SPAG16: variants seen among roughly 807,000 people sequenced by gnomAD.
SPAG16 encodes sperm associated antigen 16.
In SPAG16, 86 loss-of-function variants were observed where a neutral mutation model predicts 80.4. The observed-to-expected ratio is 1.07, with a 90% CI of 0.90 to 1.28. The LOEUF is 1.28. Among genes scored for constraint, SPAG16 ranks in the 50% most tolerant of loss-of-function variants. The pLI is 0.00. For synonymous variants in SPAG16, 294 were observed against 265.9 expected (o/e 1.11, Z -1.03); for missense variants, 870 against 765.3 (o/e 1.14, Z -1.61).
In SPAG16 at chr2:213,350,561, T is replaced by A. The variant is rs1368308737; in HGVS notation, c.678T>A (p.Thr226=). The change falls in exon 7 of 16, where the codon ACT becomes ACA. Residue 226 remains threonine, a synonymous_variant. Transcript: ENST00000331683. ...LKLHYASYEP[T]IRVLHEKHHT... ...TACATTATGCATCTTATGAACCGAC[T>A]ATAAGGGTGTTACATGAGAAACACC... 1 of 1,595,242 alleles carries A rather than the reference T, an allele frequency of 6.3e-7. No individual in the cohort carries two copies. The highest frequency in any genetic ancestry group is 2.3e-5 in the East Asian group (1 of 44,280).
intron 10 of SPAG16, among the ~76,000 whole-genome samples, chr2:213,513,429 T>A (rs1327632704): frequency 6.6e-6 from 1 of 152,208 alleles, no homozygotes; most frequent in Non-Finnish European, 1.5e-5. Flanking sequence ...TAAAATAAGT[T>A]TATTTCTCAT....
At position 214,242,172 on chromosome 2, in the gene SPAG16, G is replaced by T. The variant is rs558108544; in HGVS notation, c.1720+92906G>T. ...CAACCTATTAGCTTCCCTTTCTTCT[G>T]AGGGACTTTACTTCAAACATCAGCC... On this transcript the variant is annotated intron_variant, in intron 15 of 15. Coordinates refer to ENST00000331683, the MANE Select transcript of SPAG16 (RefSeq NM_024532.5). Among the ~76,000 whole-genome samples the T allele has an allele frequency of 7.9e-5, 12 of 152,264 alleles. No individual in the cohort carries two copies. In the South Asian group the frequency reaches 2.5e-3, roughly 32 times the overall value.
At chr2:213,383,961 C>T (rs78263384) in intron 9 of SPAG16, among the ~76,000 whole-genome samples, 87 of 152,166 alleles carry the variant, frequency 5.7e-4, no homozygotes, top group Non-Finnish European at 1.1e-3. Flanking sequence ...ACACATTTGC[C>T]GGATCAATGA....
chr2:213,882,078 A>T (rs796590494), intron 11 of SPAG16, among the ~76,000 whole-genome samples: 5 of 152,294 alleles, frequency 3.3e-5, no homozygotes, highest in African/African-American at 1.2e-4. Flanking sequence ...TTATGAATCC[A>T]TTGAGGTGAT....
At chr2:214,166,751 C>A (rs974933933) in intron 15 of SPAG16, among the ~76,000 whole-genome samples, 7 of 152,034 alleles carry the variant, frequency 4.6e-5, no homozygotes, top group Non-Finnish European at 1.0e-4. Flanking sequence ...CTACAATGTG[C>A]GTAGGCATTC....
chr2:214,410,128 T>C lies in SPAG16; in HGVS notation c.1721-12T>C, dbSNP rs2126164092. ...ATTCATTCTCTCTCTCTCTCCTCTC[T>C]GTCTCCCTCAGGTCGAGTTTTAGCT... On this transcript the variant is annotated splice_polypyrimidine_tract_variant and intron_variant, in intron 15 of 15. Coordinates refer to ENST00000331683, the MANE Select transcript of SPAG16 (RefSeq NM_024532.5). The C allele has an allele frequency of 6.2e-7, 1 of 1,613,194 alleles. No individual in the cohort carries two copies. Among genetic ancestry groups the C allele is most frequent in the South Asian group, 1.1e-5 (1 of 91,074 alleles).
rs868701211 is a variant in SPAG16 at position 214,193,015 on chromosome 2, C to A, written c.1720+43749C>A. ...GTTTTAGCTCAAGTCTGTTGTCAGCCTGGTCCTACAAGGACCTCTGCTACA... is the reference window on the plus strand; with the variant it reads ...GTTTTAGCTCAAGTCTGTTGTCAGCATGGTCCTACAAGGACCTCTGCTACA... On this transcript the variant is annotated intron_variant, in intron 15 of 15. Coordinates refer to ENST00000331683, the MANE Select transcript of SPAG16 (RefSeq NM_024532.5). 7.9e-5 allele frequency among the ~76,000 whole-genome samples: 12 copies of A among 152,078 alleles called. No individual in the cohort carries two copies. In the Middle Eastern group the frequency reaches 0.037, roughly 474 times the overall value.
chr2:213,594,502 G>A (rs16850489), intron 10 of SPAG16, among the ~76,000 whole-genome samples: 9,275 of 152,064 alleles, frequency 0.061, 943 homozygotes, highest in African/African-American at 0.21. Context: ...TGATTTTTGC[G>A]GGGAGAATGG....
At chr2:213,565,069 A>T (rs2059716320) in intron 10 of SPAG16, among the ~76,000 whole-genome samples, 1 of 152,240 alleles carries the variant, frequency 6.6e-6, no homozygotes, top group Admixed American at 6.5e-5. Flanking sequence ...GAGAAGAGTT[A>T]CTCAAATAAG....
chr2:214,250,332 A>T (rs1690160321), intron 15 of SPAG16, among the ~76,000 whole-genome samples: 1 of 152,034 alleles, frequency 6.6e-6, no homozygotes, highest in African/African-American at 2.4e-5. Context: ...TTCAATGTGT[A>T]AATAGAAATC....
At chr2:214,379,394 C>CTGTT (rs1700320914) in intron 15 of SPAG16, among the ~76,000 whole-genome samples, 1 of 152,190 alleles carries the variant, frequency 6.6e-6, no homozygotes, top group African/African-American at 2.4e-5. Context: ...AATGTCAGAG[C>CTGTT]TGTTATTAGC....
At chr2:213,411,341 G>A (rs1459070749) in intron 9 of SPAG16, among the ~76,000 whole-genome samples, 1 of 152,108 alleles carries the variant, frequency 6.6e-6, no homozygotes, top group South Asian at 2.1e-4. Context: ...CAATATTTTG[G>A]TGGGCGACCA....
intron 9 of SPAG16, among the ~76,000 whole-genome samples, chr2:213,407,728 G>GAGAGAGAGACAGGAGAGAGGC (rs1378559767): frequency 6.2e-5 from 6 of 97,090 alleles, no homozygotes; most frequent in South Asian, 2.5e-4. Flanking sequence ...AGAGACAGGA[G>GAGAGAGAGACAGGAGAGAGGC]AGAGAGAGAC....
intron 15 of SPAG16, among the ~76,000 whole-genome samples, chr2:214,214,179 T>A (rs1274743916): frequency 7.4e-6 from 1 of 134,376 alleles, no homozygotes; most frequent in African/African-American, 2.8e-5. Context: ...CCAACCTTCC[T>A]TTTTACTTTT....
intron 15 of SPAG16, among the ~76,000 whole-genome samples, chr2:214,350,192 T>C (rs1698305093): frequency 6.6e-6 from 1 of 152,250 alleles, no homozygotes; most frequent in Non-Finnish European, 1.5e-5. Flanking sequence ...ACTGGTTTCT[T>C]ACCTCTGAAA....
intron 6 of SPAG16, among the ~76,000 whole-genome samples, chr2:213,347,264 A>T (rs571641046): frequency 6.6e-6 from 1 of 150,946 alleles, no homozygotes; most frequent in Non-Finnish European, 1.5e-5. Context: ...TGTCTATTTG[A>T]TTCTTCTCTC....
Position 213,733,217 on chromosome 2 carries a change from G to GT in SPAG16, c.1071-129266dup, listed in dbSNP as rs1192756077. On this transcript the variant is annotated intron_variant, in intron 10 of 15. Coordinates refer to ENST00000331683, the MANE Select transcript of SPAG16 (RefSeq NM_024532.5). Reference sequence around the variant, plus strand: ...TGTCCTTCACCTACTTTGTAATGGGGTTGTTTTTTTTTTCTTGTAAATTTA... The same window carrying GT: ...TGTCCTTCACCTACTTTGTAATGGGGTTTGTTTTTTTTTTCTTGTAAATTTA... Among the ~76,000 whole-genome samples the GT allele has an allele frequency of 5.1e-3, 114 of 22,378 alleles. No homozygotes were observed. In the South Asian group the frequency reaches 0.13, roughly 25 times the overall value. 14.7% of individuals were successfully genotyped at this position (22,378 alleles called of 152,430 possible). A position where few individuals can be genotyped will look rare whatever the true frequency, so the allele number is the denominator to read the frequency against.
chr2:213,457,383 A>C (rs966016087), intron 9 of SPAG16, among the ~76,000 whole-genome samples: 1 of 152,162 alleles, frequency 6.6e-6, no homozygotes, highest in Admixed American at 6.5e-5. Context: ...ATTTGAGCAG[A>C]CTGTTCTGAA....
chr2:213,312,719 C>G lies in SPAG16; in HGVS notation c.398+2542C>G, dbSNP rs1313669518. ...TACAATTATTTATAACATTTAATTACTAATTTAATTTTTTTTAATAATGGA... is the reference window on the plus strand; with the variant it reads ...TACAATTATTTATAACATTTAATTAGTAATTTAATTTTTTTTAATAATGGA... On this transcript the variant is annotated intron_variant, in intron 4 of 15. Transcript: ENST00000331683. Among the ~76,000 whole-genome samples the G allele has an allele frequency of 4.0e-5, 6 of 151,652 alleles. No individual in the cohort carries two copies. The East Asian group carries it at 1.2e-3, about 29-fold the overall frequency.
Sources: gnomAD v4.1 joint callset for allele counts (sites outside exome capture counted in the v4.1 genomes callset) on GRCh38, gnomAD v4.1.1 for gene constraint, MANE v1.5 for transcripts, NCBI Gene and HGNC (gene_info 2026-07-23, HGNC 2026-07-21) for gene names.